IL3: variants seen among roughly 807,000 people sequenced by gnomAD.
The protein encoded by IL3 is interleukin 3, also known as interleukin-3.
IL3 carries 15 observed loss-of-function variants against 15.4 expected under a neutral mutation model. That is an observed-to-expected ratio of 0.97 (90% CI 0.65 to 1.50). The LOEUF is 1.50. Ranked by LOEUF, IL3 falls within the 40% of genes most tolerant of loss-of-function variation. The pLI is 0.00. For synonymous variants in IL3, 74 were observed against 79.3 expected, an observed-to-expected ratio of 0.93 and a Z score of 0.36; for missense variants, 162 against 192.2, an observed-to-expected ratio of 0.84 and a Z score of 0.93.
At chr5:132,062,126 G>C (rs1756490935) in intron 2 of IL3, among the ~76,000 whole-genome samples, 186 bp from the exon 3 acceptor site, 1 of 152,194 alleles carries the variant, frequency 6.6e-6, no homozygotes, top group Non-Finnish European at 1.5e-5. Flanking sequence ...ACCAGGTCCT[G>C]CCTGCCACTC....
chr5:132,061,871 C>A (rs1364168310), intron 2 of IL3, among the ~76,000 whole-genome samples: 4 of 151,450 alleles, frequency 2.6e-5, no homozygotes, highest in African/African-American at 7.3e-5. Flanking sequence ...TGAGTTCAAG[C>A]AATTCTCCTG....
At chr5:132,060,922 A>G (rs985802660) in intron 1 of IL3, 45 bp from the exon 2 acceptor site, 1 of 1,613,112 alleles carries the variant, frequency 6.2e-7, no homozygotes, top group East Asian at 2.2e-5. Flanking sequence ...TGGCTGCCTA[A>G]GGCCAAAAGG....
intron 4 of IL3, 33 bp from the exon 5 acceptor site, chr5:132,062,636 T>C: frequency 1.2e-6 from 2 of 1,613,702 alleles, no homozygotes; most frequent in Non-Finnish European, 1.7e-6. Context: ...CAGCCTGGAC[T>C]CACCTAATGC....
intron 1 of IL3, 27 bp downstream of exon 1, chr5:132,060,895 G>A: frequency 2.5e-6 from 4 of 1,611,114 alleles, no homozygotes; most frequent in Non-Finnish European, 1.7e-6. Context: ...AGACTGGCCT[G>A]CAGCAGTGAG....
At chr5:132,062,142 T>TA (rs1756491179) in intron 2 of IL3, among the ~76,000 whole-genome samples, 170 bp from the exon 3 acceptor site, 1 of 152,208 alleles carries the variant, frequency 6.6e-6, no homozygotes, top group Non-Finnish European at 1.5e-5. Flanking sequence ...CACTCACTTC[T>TA]AGGCCTGTGC....
Position 132,060,985 on chromosome 5 carries a change from G to A in IL3, c.181G>A (p.Gly61Arg), listed in dbSNP as rs1330133375. Residue 61 changes from glycine (G) to arginine (R), a missense_variant, in exon 2 of 5, where the codon GGG (glycine) becomes AGG (arginine). Gly to Arg is a moderately radical substitution (Grantham distance 125). Coordinates refer to ENST00000296870, the MANE Select transcript of IL3 (RefSeq NM_000588.4). ...CCCACAGGACTTCAACAACCTCAAT[G>A]GGGAAGACCAAGACATTCTGATGGT... Reference protein sequence around the residue: ...LPLLDFNNLNGEDQDILMENN... With the variant: ...LPLLDFNNLNREDQDILMENN... 1.9e-6 allele frequency: 3 copies of A among 1,614,066 alleles called. No homozygotes were observed. The highest frequency in any genetic ancestry group is 3.3e-5 in the Admixed American group (2 of 60,006).
Position 132,060,734 on chromosome 5 carries a change from C to T in IL3, c.28C>T (p.Leu10Phe). 1 of 1,613,700 alleles carries T rather than the reference C, an allele frequency of 6.2e-7. No individual in the cohort carries two copies. The highest frequency in any genetic ancestry group is 8.5e-7 in the Non-Finnish European group (1 of 1,180,014). MSRLPVLLL[L>F]QLLVRPGLQA... ...GAGCCGCCTGCCCGTCCTGCTCCTG[C>T]TCCAACTCCTGGTCCGCCCCGGACT... Residue 10 changes from leucine to phenylalanine, a missense_variant, in exon 1 of 5, where the codon CTC becomes TTC. Transcript: ENST00000296870.
chr5:132,061,489 G>T (rs1252576070), intron 2 of IL3, among the ~76,000 whole-genome samples: 1 of 152,154 alleles, frequency 6.6e-6, no homozygotes, highest in Non-Finnish European at 1.5e-5. Context: ...GACATTTCTT[G>T]GGTCAAACAA....
chr5:132,063,015 A>G lies in IL3; in HGVS notation c.*224A>G. ...GTGTTCTCATTTTTATCCCATTGAGACTATTTATTTATGTATGTATGTATT... is the reference window on the plus strand; with the variant it reads ...GTGTTCTCATTTTTATCCCATTGAGGCTATTTATTTATGTATGTATGTATT... On this transcript the variant is annotated 3_prime_UTR_variant, in exon 5 of 5. Coordinates refer to ENST00000296870, the MANE Select transcript of IL3 (RefSeq NM_000588.4). The G allele has an allele frequency of 1.8e-6, 1 of 541,706 alleles. No individual in the cohort carries two copies. Among genetic ancestry groups the G allele is most frequent in the South Asian group, 2.6e-5 (1 of 37,860 alleles). The allele number at this position is 541,706 out of a possible 1,614,324, so 33.6% of individuals were successfully genotyped here.
rs375713689 is a variant in IL3 at position 132,060,664 on chromosome 5, C to A, written c.-43C>A. 7 of 1,607,674 alleles carry A rather than the reference C, an allele frequency of 4.4e-6. No homozygotes were observed. Among genetic ancestry groups the A allele is most frequent in the Non-Finnish European group, 5.9e-6 (7 of 1,177,656 alleles). On this transcript the variant is annotated 5_prime_UTR_variant, in exon 1 of 5. Transcript: ENST00000296870. The stretch of plus-strand genomic sequence containing the variant: ...CTGTTGCCAACTCTTCAGAGCCCCA[C>A]GAAGGACCAGAACAAGACAGAGTGC...
Position 132,062,995 on chromosome 5 carries a change from C to A in IL3, c.*204C>A. 1 of 615,530 alleles carries A rather than the reference C, an allele frequency of 1.6e-6. No homozygotes were observed. Among genetic ancestry groups the A allele is most frequent in the Non-Finnish European group, 2.7e-6 (1 of 367,084 alleles). 38.1% of individuals were successfully genotyped at this position (615,530 alleles called of 1,614,324 possible). A position where few individuals can be genotyped will look rare whatever the true frequency, so the allele number is the denominator to read the frequency against. On this transcript the variant is annotated 3_prime_UTR_variant, in exon 5 of 5. Coordinates refer to ENST00000296870, the MANE Select transcript of IL3 (RefSeq NM_000588.4). The stretch of plus-strand genomic sequence containing the variant: ...CCATTTGGCCTTGTGCGGTTGTGTT[C>A]TCATTTTTATCCCATTGAGACTATT...
At position 132,060,850 on chromosome 5, in the gene IL3, G is replaced by A. The variant is rs1208939608; in HGVS notation, c.144G>A (p.Gln48=). 1.2e-6 allele frequency: 2 copies of A among 1,614,170 alleles called. No homozygotes were observed. The highest frequency in any genetic ancestry group is 3.3e-5 in the Admixed American group (2 of 60,032). ...MIDEIITHLK[Q]PPLPLLDFNN... ...ATGAAATTATAACACACTTAAAGCA[G>A]CCACCTTTGCCTTTGCTGGTGAGTA... Residue 48 remains glutamine (Q), a synonymous_variant, in exon 1 of 5, where the codon CAG becomes CAA. Transcript: ENST00000296870.
In IL3 at chr5:132,062,689, G is replaced by C. The variant is rs1435928755; in HGVS notation, c.357G>C (p.Lys119Asn). 1 of 1,614,188 alleles carries C rather than the reference G, an allele frequency of 6.2e-7. No homozygotes were observed. The highest frequency in any genetic ancestry group is 1.7e-5 in the Admixed American group (1 of 60,026). The change falls in exon 5 of 5, where the codon AAG (lysine) becomes AAC (asparagine). Residue 119 changes from lysine to asparagine, a missense_variant. By Grantham distance (94) the Lys-to-Asn change is moderately conservative. Coordinates refer to ENST00000296870, the MANE Select transcript of IL3 (RefSeq NM_000588.4). ...TATAGCGACATCCAATCCATATCAA[G>C]GACGGTGACTGGAATGAATTCCGGA... is the stretch of plus-strand genomic sequence containing the variant. Reference protein sequence around the residue: ...AAPTRHPIHIKDGDWNEFRRK... With the variant: ...AAPTRHPIHINDGDWNEFRRK...
intron 2 of IL3, among the ~76,000 whole-genome samples, chr5:132,061,575 C>A (rs562746298): frequency 2.0e-5 from 3 of 152,214 alleles, no homozygotes; most frequent in Admixed American, 2.0e-4. Flanking sequence ...CACCCATTTC[C>A]ATGCTGGGGT....
At chr5:132,061,509 G>A (rs31481) in intron 2 of IL3, among the ~76,000 whole-genome samples, 30,024 of 152,110 alleles carry the variant, frequency 0.2, 3,382 homozygotes, top group East Asian at 0.54. Context: ...AGAAGTGGAA[G>A]CCTTTGCTGA....
intron 2 of IL3, among the ~76,000 whole-genome samples, chr5:132,061,989 C>T (rs1756487843): frequency 6.6e-6 from 1 of 152,166 alleles, no homozygotes; most frequent in Non-Finnish European, 1.5e-5. Flanking sequence ...GTCTTGAACT[C>T]GACCTCAGGT....
chr5:132,062,807 C>A lies in IL3; in HGVS notation c.*16C>A. ...GATCTTTTGAGTCCAACGTCCAGCT[C>A]GTTCTCTGGGCCTTCTCACCACAGA... On this transcript the variant is annotated 3_prime_UTR_variant, in exon 5 of 5. Coordinates refer to ENST00000296870, the MANE Select transcript of IL3 (RefSeq NM_000588.4). 2 of 1,608,888 alleles carry A rather than the reference C, an allele frequency of 1.2e-6. No homozygotes were observed. Among genetic ancestry groups the A allele is most frequent in the South Asian group, 2.2e-5 (2 of 90,624 alleles).
chr5:132,062,232 C>A, intron 2 of IL3, 80 bp from the exon 3 acceptor site: 1 of 1,155,286 alleles, frequency 8.7e-7, no homozygotes, highest in Non-Finnish European at 1.3e-6. Context: ...GCTTGGGAAA[C>A]TGTGGGGGTG....
Position 132,062,787 on chromosome 5 carries a change from T to C in IL3, c.455T>C (p.Phe152Ser), listed in dbSNP as rs974489163. 38 of 1,613,104 alleles carry C rather than the reference T, an allele frequency of 2.4e-5. No individual in the cohort carries two copies. The highest frequency in any genetic ancestry group is 3.1e-5 in the Non-Finnish European group (37 of 1,179,224). ...AQQTTLSLAI[F>S] Reference sequence around the variant, plus strand: ...CAGACGACTTTGAGCCTCGCGATCTTTTGAGTCCAACGTCCAGCTCGTTCT... The same window carrying C: ...CAGACGACTTTGAGCCTCGCGATCTCTTGAGTCCAACGTCCAGCTCGTTCT... Residue 152 changes from phenylalanine to serine, a missense_variant, in exon 5 of 5, where the codon TTT (phenylalanine) becomes TCT (serine). By Grantham distance (155) the Phe-to-Ser change is radical (BLOSUM62 -2). Coordinates refer to ENST00000296870, the MANE Select transcript of IL3 (RefSeq NM_000588.4).
Sources: allele counts gnomAD v4.1 joint callset (sites outside exome capture counted in the v4.1 genomes callset), GRCh38; gene constraint gnomAD v4.1.1; transcripts MANE v1.5; gene names NCBI Gene and HGNC (gene_info 2026-07-23, HGNC 2026-07-21).